Variants in RNF115 observed in about 807,000 individuals in gnomAD.
The protein encoded by RNF115 is ring finger protein 115.
In RNF115, 31 loss-of-function variants were observed where a neutral mutation model predicts 39.2. The observed-to-expected ratio is 0.79, with a 90% CI of 0.59 to 1.07. The LOEUF is 1.07. RNF115 is among the 50% of genes least tolerant of loss of function. RNF115 has a pLI of 0.00. For missense variants in RNF115, 384 were observed against 381.7 expected (o/e 1.01, Z -0.05); for synonymous variants, 124 against 131.0 (o/e 0.95, Z 0.37).
chr1:145,797,809 A>G lies in RNF115; in HGVS notation c.103-8843T>C, dbSNP rs77526350. ...CTCATAATCTTCACTAACACTCGTA[A>G]TTCCCTGTTTGTTTTTTAATAGTAG... On this transcript the variant is annotated intron_variant, in intron 1 of 8. Coordinates refer to ENST00000582693, the MANE Select transcript of RNF115 (RefSeq NM_014455.4). 3.5e-3 allele frequency among the ~76,000 whole-genome samples: 532 copies of G among 152,236 alleles called. 1 individual carries two copies. The highest frequency in any genetic ancestry group is 0.014 in the Middle Eastern group (4 of 294).
At chr1:145,796,160 C>T (rs587663569) in intron 1 of RNF115, among the ~76,000 whole-genome samples, 41 of 152,294 alleles carry the variant, frequency 2.7e-4, no homozygotes, top group African/African-American at 8.4e-4. Flanking sequence ...ACTCCACTTA[C>T]TAGTACCACT....
At chr1:145,796,884 C>T (rs1223377745) in intron 1 of RNF115, among the ~76,000 whole-genome samples, 1 of 152,108 alleles carries the variant, frequency 6.6e-6, no homozygotes, top group Non-Finnish European at 1.5e-5. Context: ...TTGATACTGA[C>T]ACCAACAACC....
At chr1:145,752,870 A>C (rs1306688497) in intron 5 of RNF115, 108 bp downstream of exon 5, 1 of 746,982 alleles carries the variant, frequency 1.3e-6, no homozygotes, top group Non-Finnish European at 2.3e-6. Flanking sequence ...TAGAGGCATG[A>C]GCCACCGCAC....
At chr1:145,767,828 T>A (rs1647429258) in intron 4 of RNF115, among the ~76,000 whole-genome samples, 1 of 152,136 alleles carries the variant, frequency 6.6e-6, no homozygotes, top group Non-Finnish European at 1.5e-5. Context: ...CGAAAACCAG[T>A]CAGGCGTGGC....
At chr1:145,800,942 G>A (rs782671041) in intron 1 of RNF115, among the ~76,000 whole-genome samples, 15 of 152,114 alleles carry the variant, frequency 9.9e-5, no homozygotes, top group Non-Finnish European at 2.1e-4. Context: ...GGGCCAAGGC[G>A]GGCAGATCAC....
At chr1:145,755,205 A>G (rs1382557998) in intron 4 of RNF115, among the ~76,000 whole-genome samples, 1 of 149,352 alleles carries the variant, frequency 6.7e-6, no homozygotes, top group Non-Finnish European at 1.5e-5. Context: ...TTGTGCCATT[A>G]CACTCCAGCC....
At chr1:145,778,854 T>C (rs1318263793) in intron 3 of RNF115, among the ~76,000 whole-genome samples, 1 of 152,252 alleles carries the variant, frequency 6.6e-6, no homozygotes, top group East Asian at 1.9e-4. Flanking sequence ...GTGGAGTTCA[T>C]GTATTAGGAA....
intron 3 of RNF115, among the ~76,000 whole-genome samples, chr1:145,775,097 A>G (rs985273150): frequency 5.3e-5 from 8 of 152,138 alleles, no homozygotes; most frequent in Non-Finnish European, 1.0e-4. Context: ...AAATTTAAAC[A>G]TTAGCTAAGT....
At chr1:145,789,403 GT>G (rs1159257618) in intron 1 of RNF115, among the ~76,000 whole-genome samples, 13 of 148,676 alleles carry the variant, frequency 8.7e-5, no homozygotes, top group Non-Finnish European at 8.9e-5. Flanking sequence ...GCCCAGCCTA[GT>G]TTTTTTTCTT....
Position 145,741,286 on chromosome 1 carries a change from C to A in RNF115, c.*5580G>T, listed in dbSNP as rs1392599640. ...CATACAAACTACACTTCTGTGGACACCAAGTGTAGTGTGGCAGGAAAACAT... is the reference window on the plus strand; with the variant it reads ...CATACAAACTACACTTCTGTGGACAACAAGTGTAGTGTGGCAGGAAAACAT... On this transcript the variant is annotated 3_prime_UTR_variant, in exon 9 of 9. Coordinates refer to ENST00000582693, the MANE Select transcript of RNF115 (RefSeq NM_014455.4). 1 of 152,162 alleles carries A rather than the reference C, an allele frequency of 6.6e-6. No homozygotes were observed. Among genetic ancestry groups the A allele is most frequent in the Non-Finnish European group, 1.5e-5 (1 of 68,032 alleles). The allele number at this position is 152,162 out of a possible 1,614,324, so 9.4% of individuals were successfully genotyped here.
chr1:145,781,020 C>T (rs1553717289), intron 3 of RNF115, among the ~76,000 whole-genome samples: 1 of 152,176 alleles, frequency 6.6e-6, no homozygotes, highest in Non-Finnish European at 1.5e-5. Context: ...TCTCTACAAA[C>T]TGCTAGCAAT....
chr1:145,813,884 G>A (rs1553723067), intron 1 of RNF115, among the ~76,000 whole-genome samples: 1 of 143,754 alleles, frequency 7.0e-6, no homozygotes, highest in Non-Finnish European at 1.5e-5. Context: ...TGTTTTGAGG[G>A]GTCTATCCTG....
intron 1 of RNF115, among the ~76,000 whole-genome samples, chr1:145,798,590 A>G (rs1326725767): frequency 3.3e-5 from 5 of 152,168 alleles, no homozygotes; most frequent in Non-Finnish European, 7.4e-5. Context: ...TTGAAATCAG[A>G]AAGTTTGAGT....
At chr1:145,763,423 C>T (rs143756822) in intron 4 of RNF115, among the ~76,000 whole-genome samples, 1 of 152,130 alleles carries the variant, frequency 6.6e-6, no homozygotes, top group Non-Finnish European at 1.5e-5. Flanking sequence ...TGGGGCTGGG[C>T]GCAGTGGCTC....
At chr1:145,782,303 G>A (rs782130179) in intron 3 of RNF115, among the ~76,000 whole-genome samples, 2 of 152,086 alleles carry the variant, frequency 1.3e-5, no homozygotes, top group Non-Finnish European at 2.9e-5. Context: ...CTATTTCTAG[G>A]AGAGTGCTAT....
intron 3 of RNF115, 134 bp downstream of exon 3, chr1:145,784,405 T>A: frequency 1.3e-6 from 1 of 774,828 alleles, no homozygotes; most frequent in African/African-American, 1.7e-5. Flanking sequence ...TTCCCAAGGG[T>A]TACTACGGCC....
At chr1:145,773,096 T>C (rs1647714206) in intron 3 of RNF115, 1 of 152,228 alleles carries the variant, frequency 6.6e-6, no homozygotes, top group Non-Finnish European at 1.5e-5. Context: ...TGTTGAGACA[T>C]TATTATCTTG....
intron 3 of RNF115, chr1:145,772,536 AAT>A (rs1463729345): frequency 3.9e-5 from 6 of 152,336 alleles, no homozygotes; most frequent in South Asian, 2.1e-4. Flanking sequence ...CATCACTTTA[AAT>A]ATGTTATCCC....
At chr1:145,803,338 T>C (rs1649331092) in intron 1 of RNF115, among the ~76,000 whole-genome samples, 1 of 152,168 alleles carries the variant, frequency 6.6e-6, no homozygotes, top group Admixed American at 6.5e-5. Context: ...AAAACTACCT[T>C]GATTTATGGT....
Sources: allele counts gnomAD v4.1 joint callset (sites outside exome capture counted in the v4.1 genomes callset), GRCh38; gene constraint gnomAD v4.1.1; transcripts MANE v1.5; gene names NCBI Gene and HGNC (gene_info 2026-07-23, HGNC 2026-07-21).